Variants in KIRREL3 observed in about 807,000 individuals in gnomAD.
KIRREL3 encodes the protein kin of IRRE-like protein 3.
A neutral mutation model predicts 89.7 loss-of-function variants in KIRREL3; 36 were observed. The ratio of observed to expected loss-of-function variants is 0.40; its 90% CI spans 0.31 to 0.53. The LOEUF (loss-of-function observed/expected upper bound fraction) is 0.53. Ranked by LOEUF, KIRREL3 falls within the 20% of genes least tolerant of loss-of-function variation. KIRREL3 has a pLI of 0.49. For missense variants in KIRREL3, 864 were observed against 1,056.6 expected, an observed-to-expected ratio of 0.82 and a Z score of 2.53; for synonymous variants, 445 against 441.4, an observed-to-expected ratio of 1.01 and a Z score of -0.10.
At chr11:126,590,055 T>C in intron 1 of KIRREL3, among the ~76,000 whole-genome samples, 1 of 152,232 alleles carries the variant, frequency 6.6e-6, no homozygotes, top group Admixed American at 6.5e-5. Flanking sequence ...TAACTCTGGC[T>C]TTCATTGTTG....
intron 1 of KIRREL3, among the ~76,000 whole-genome samples, chr11:126,979,773 TA>T (rs1261080544): frequency 6.6e-6 from 1 of 152,188 alleles, no homozygotes; most frequent in Admixed American, 6.5e-5. Flanking sequence ...AGCAGATGCT[TA>T]AGAAACGTCA....
At chr11:126,960,832 C>G (rs1054787764) in intron 1 of KIRREL3, among the ~76,000 whole-genome samples, 5 of 152,024 alleles carry the variant, frequency 3.3e-5, no homozygotes, top group Admixed American at 3.3e-4. Context: ...TTTGTGGCAA[C>G]CCTCTGTCCA....
At chr11:126,616,187 C>T (rs375408411) in intron 1 of KIRREL3, among the ~76,000 whole-genome samples, 14 of 152,158 alleles carry the variant, frequency 9.2e-5, no homozygotes, top group African/African-American at 2.9e-4. Flanking sequence ...ACTGAGATGG[C>T]GTTGCCCGTT....
intron 1 of KIRREL3, among the ~76,000 whole-genome samples, chr11:126,786,130 CTTGATGGAATAT>C (rs148155359): frequency 0.018 from 2,713 of 151,968 alleles, 87 homozygotes; most frequent in African/African-American, 0.063. Context: ...GGTTCATAGA[CTTGATGGAATAT>C]TATGGAATCA....
chr11:126,784,039 C>A (rs1950407478), intron 1 of KIRREL3, among the ~76,000 whole-genome samples: 1 of 152,182 alleles, frequency 6.6e-6, no homozygotes, highest in Non-Finnish European at 1.5e-5. Context: ...CTCTGCAAGA[C>A]ACCTGGCCAG....
At chr11:126,822,456 T>C (rs556847285) in intron 1 of KIRREL3, among the ~76,000 whole-genome samples, 42 of 149,592 alleles carry the variant, frequency 2.8e-4, no homozygotes, top group African/African-American at 9.9e-4. Flanking sequence ...CCTGCCCTTT[T>C]AGGCTTTGCC....
At chr11:126,524,761 A>G (rs1400020363) in intron 3 of KIRREL3, among the ~76,000 whole-genome samples, 1 of 152,174 alleles carries the variant, frequency 6.6e-6, no homozygotes, top group Non-Finnish European at 1.5e-5. Flanking sequence ...CCTGGGCCTC[A>G]GTTTCCCTGT....
In KIRREL3 at chr11:126,501,654, C is replaced by T. The variant is rs1030393667; in HGVS notation, c.433+19661G>A. On this transcript the variant is annotated intron_variant, in intron 4 of 16. Coordinates refer to ENST00000525144, the MANE Select transcript of KIRREL3 (RefSeq NM_032531.4). The surrounding 1 kb of genome is among the most constrained non-coding windows in gnomAD (Gnocchi z 5.8). ...CACTGCCCACTCATCTATGACAAAT[C>T]AATTAATTTGTCCAAATTCCACTCA... Among the ~76,000 whole-genome samples the T allele has an allele frequency of 3.9e-5, 6 of 152,180 alleles. No individual in the cohort carries two copies. Among genetic ancestry groups the T allele is most frequent in the Admixed American group, 3.3e-4 (5 of 15,282 alleles).
At chr11:126,813,798 A>T (rs1951467686) in intron 1 of KIRREL3, among the ~76,000 whole-genome samples, 1 of 152,046 alleles carries the variant, frequency 6.6e-6, no homozygotes, top group Non-Finnish European at 1.5e-5. Context: ...GATCCCCGAA[A>T]CTAGAAAAAC....
chr11:126,956,180 C>T (rs1367476354), intron 1 of KIRREL3, among the ~76,000 whole-genome samples: 6 of 152,208 alleles, frequency 3.9e-5, no homozygotes, highest in African/African-American at 1.2e-4. Context: ...CACTTACTTA[C>T]TCAACCAATG....
In KIRREL3 at chr11:126,459,926, G is replaced by C. The variant is rs1402666478; in HGVS notation, c.742+3231C>G. ...ATCTGAGGGCTTTGTCTTCCGTTGGGTAACATATGAAGACCAAGAGAAACA... is the reference window on the plus strand; with the variant it reads ...ATCTGAGGGCTTTGTCTTCCGTTGGCTAACATATGAAGACCAAGAGAAACA... On this transcript the variant is annotated intron_variant, in intron 6 of 16. Coordinates refer to ENST00000525144, the MANE Select transcript of KIRREL3 (RefSeq NM_032531.4). The surrounding 1 kb of genome is among the most constrained non-coding windows in gnomAD (Gnocchi z 4.8). 6.6e-6 allele frequency among the ~76,000 whole-genome samples: 1 copy of C among 152,184 alleles called. No individual in the cohort carries two copies. The highest frequency in any genetic ancestry group is 6.5e-5 in the Admixed American group (1 of 15,290).
intron 2 of KIRREL3, among the ~76,000 whole-genome samples, chr11:126,559,128 T>C (rs1418578392): frequency 2.0e-5 from 3 of 152,126 alleles, no homozygotes; most frequent in African/African-American, 7.2e-5. Context: ...GCCTGGACCC[T>C]ACTCCCAGGA....
At chr11:126,456,556 C>T (rs888218111) in intron 6 of KIRREL3, 102 bp from the exon 7 acceptor site, 7 of 768,320 alleles carry the variant, frequency 9.1e-6, no homozygotes, top group Non-Finnish European at 1.5e-5. Context: ...CACCCAGGGA[C>T]CCTCAGAGCA....
intron 1 of KIRREL3, among the ~76,000 whole-genome samples, chr11:126,789,560 T>C (rs1368264382): frequency 1.3e-5 from 2 of 152,180 alleles, no homozygotes; most frequent in Non-Finnish European, 2.9e-5. Flanking sequence ...CTTTCTGGTT[T>C]TTACTCTCTG....
In KIRREL3 at chr11:126,430,069, CAG is replaced by C. The variant is rs1334624865; in HGVS notation, c.1697-783_1697-782del. Among the ~76,000 whole-genome samples, 4 of 151,454 alleles carry C rather than the reference CAG, an allele frequency of 2.6e-5. No homozygotes were observed. Among genetic ancestry groups the C allele is most frequent in the African/African-American group, 9.7e-5 (4 of 41,048 alleles). ...GACTCGCTTGAATGAACCCGGGAGG[CAG>C]CGGCTGCGGTAAGCCGAGATTGTGC... On this transcript the variant is annotated intron_variant, in intron 14 of 16. Transcript: ENST00000525144. The surrounding 1 kb of genome is among the most constrained non-coding windows in gnomAD (Gnocchi z 6.6).
At position 126,561,139 on chromosome 11, in the gene KIRREL3, G is replaced by A. The variant is rs568328078; in HGVS notation, c.133+1696C>T. 5.0e-4 allele frequency among the ~76,000 whole-genome samples: 76 copies of A among 152,294 alleles called. No homozygotes were observed. Among genetic ancestry groups the A allele is most frequent in the Non-Finnish European group, 7.1e-4 (48 of 68,026 alleles). On this transcript the variant is annotated intron_variant, in intron 2 of 16. Transcript: ENST00000525144. The surrounding 1 kb of genome is among the most constrained non-coding windows in gnomAD (Gnocchi z 4.5). ...AAGGCTGGCTGGAGTGGAAGAAGAG[G>A]AGCTTCCTCCCTCCAGAGCCCTCCC...
At chr11:126,974,075 A>T (rs1342346906) in intron 1 of KIRREL3, among the ~76,000 whole-genome samples, 1 of 152,242 alleles carries the variant, frequency 6.6e-6, no homozygotes, top group South Asian at 2.1e-4. Flanking sequence ...TACTCATTGC[A>T]CGTTAGGGGT....
chr11:126,874,495 T>C (rs1264439076), intron 1 of KIRREL3, among the ~76,000 whole-genome samples: 2 of 152,180 alleles, frequency 1.3e-5, no homozygotes, highest in Admixed American at 1.3e-4. Context: ...TCGGAAGAAT[T>C]TTCAAAGTAA....
In KIRREL3 at chr11:126,849,127, T is replaced by C. The variant is rs185695250; in HGVS notation, c.55+151328A>G. ...CACAAGAGGCAGGTCATAAAGACCT[T>C]GTTGATAAAACAGTTTGTGTTAAAG... On this transcript the variant is annotated intron_variant, in intron 1 of 16. Coordinates refer to ENST00000525144, the MANE Select transcript of KIRREL3 (RefSeq NM_032531.4). 6.5e-3 allele frequency among the ~76,000 whole-genome samples: 986 copies of C among 152,280 alleles called. 13 individuals are homozygous for C. The highest frequency in any genetic ancestry group is 0.022 in the African/African-American group (920 of 41,564).
Sources: gnomAD v4.1 joint callset for allele counts (sites outside exome capture counted in the v4.1 genomes callset) on GRCh38, gnomAD v4.1.1 for gene constraint, Gnocchi (gnomAD v3.1) non-coding constraint, MANE v1.5 for transcripts, NCBI Gene and HGNC (gene_info 2026-07-23, HGNC 2026-07-21) for gene names.